Variants in BTLA observed in about 807,000 individuals in gnomAD.
BTLA encodes B and T lymphocyte associated.
A neutral mutation model predicts 25.0 loss-of-function variants in BTLA; 11 were observed. The ratio of observed to expected loss-of-function variants is 0.44; its 90% CI spans 0.28 to 0.73. BTLA has a LOEUF of 0.73. BTLA is among the 30% of genes least tolerant of loss of function. The pLI is 0.15. For missense variants in BTLA, 282 were observed against 332.8 expected (o/e 0.85, Z 1.19); for synonymous variants, 104 against 119.8 (o/e 0.87, Z 0.86).
intron 1 of BTLA, among the ~76,000 whole-genome samples, chr3:112,486,007 C>G (rs2082345423): frequency 6.6e-6 from 1 of 152,188 alleles, no homozygotes; most frequent in South Asian, 2.1e-4. Context: ...GTCCCAGCTG[C>G]TCGGCAGACT....
At chr3:112,467,113 T>A (rs577329421) in intron 4 of BTLA, among the ~76,000 whole-genome samples, 124 of 151,962 alleles carry the variant, frequency 8.2e-4, no homozygotes, top group South Asian at 2.9e-3. Flanking sequence ...GCCCGCCACC[T>A]CGCCCGGCTA....
intron 2 of BTLA, among the ~76,000 whole-genome samples, chr3:112,473,612 T>C (rs2082274364): frequency 1.1e-5 from 1 of 88,528 alleles, no homozygotes; most frequent in East Asian, 3.9e-4. Flanking sequence ...TTTCTTCTTC[T>C]TTTTTTTTTT....
At chr3:112,492,760 T>C (rs965374879) in intron 1 of BTLA, among the ~76,000 whole-genome samples, 3 of 152,188 alleles carry the variant, frequency 2.0e-5, no homozygotes, top group African/African-American at 7.2e-5. Context: ...AGTGGGGCCA[T>C]AACCCCCCAG....
chr3:112,488,586 T>G (rs1371558578), intron 1 of BTLA, among the ~76,000 whole-genome samples: 1 of 151,452 alleles, frequency 6.6e-6, no homozygotes, highest in African/African-American at 2.4e-5. Flanking sequence ...AAATGTCTGA[T>G]GCTATTTTGT....
chr3:112,469,721 C>A (rs774899691), intron 4 of BTLA, 37 bp downstream of exon 4: 11 of 1,569,060 alleles, frequency 7.0e-6, no homozygotes, highest in South Asian at 1.1e-5. Context: ...CAGTATAACA[C>A]AAATTGCATT....
chr3:112,464,312 T>A lies in BTLA; in HGVS notation c.*1796A>T, dbSNP rs1190328278. ...GACAGAAATATTTTGCTTTTAAGTT[T>A]GAGAGAATCATGAAGGAACTGTTCA... On this transcript the variant is annotated 3_prime_UTR_variant, in exon 5 of 5. Coordinates refer to ENST00000334529, the MANE Select transcript of BTLA (RefSeq NM_181780.4). The A allele has an allele frequency of 1.3e-5, 5 of 392,206 alleles. No homozygotes were observed. Among genetic ancestry groups the A allele is most frequent in the African/African-American group, 1.0e-4 (5 of 48,500 alleles). 24.3% of individuals were successfully genotyped at this position (392,206 alleles called of 1,614,324 possible). A position where few individuals can be genotyped will look rare whatever the true frequency, so the allele number is the denominator to read the frequency against.
chr3:112,499,470 A>AC lies in BTLA; in HGVS notation c.-113dup. 1 of 613,712 alleles carries AC rather than the reference A, an allele frequency of 1.6e-6. No individual in the cohort carries two copies. Among genetic ancestry groups the AC allele is most frequent in the African/African-American group, 2.2e-5 (1 of 46,250 alleles). 38.0% of individuals were successfully genotyped at this position (613,712 alleles called of 1,614,324 possible). A position where few individuals can be genotyped will look rare whatever the true frequency, so the allele number is the denominator to read the frequency against. ...CTACCCCAGTGGCATCTGTGAAATA[A>AC]CTAAAAAAAAAAAAAAAAGAAGAGA... is the stretch of plus-strand genomic sequence containing the variant. On this transcript the variant is annotated 5_prime_UTR_variant, in exon 1 of 5. Transcript: ENST00000334529.
chr3:112,484,622 A>T (rs1242191314), intron 1 of BTLA, among the ~76,000 whole-genome samples: 1 of 152,222 alleles, frequency 6.6e-6, no homozygotes, highest in Admixed American at 6.5e-5. Flanking sequence ...CTTTCTATTT[A>T]GCCATAGGGC....
rs563919232 is a variant in BTLA, at chr3:112,494,810, A to G, written c.88+4461T>C. Among the ~76,000 whole-genome samples, 36 of 152,354 alleles carry G rather than the reference A, an allele frequency of 2.4e-4. No homozygotes were observed. In the South Asian group the frequency reaches 4.3e-3, roughly 18 times the overall value. ...GATGGGTCAATAGGTTAAGCAAACC[A>G]TCATGGCACACGTATACCTATGTAA... is the stretch of plus-strand genomic sequence containing the variant. On this transcript the variant is annotated intron_variant, in intron 1 of 4. Transcript: ENST00000334529.
At chr3:112,493,528 A>G (rs1339151239) in intron 1 of BTLA, among the ~76,000 whole-genome samples, 1 of 151,982 alleles carries the variant, frequency 6.6e-6, no homozygotes, top group South Asian at 2.1e-4. Context: ...TTTTTTGGAG[A>G]CAGAGTCTCA....
chr3:112,469,782 G>A lies in BTLA; in HGVS notation c.570C>T (p.Asp190=). ...RHQGKQNELS[D]TAGREINLVD... ...CCAGGTTAATTTCCCTTCCTGCTGT[G>A]TCAGAGAGTTCATTTTGCTTTCCTG... The change falls in exon 4 of 5, where the codon GAC becomes GAT. Residue 190 remains aspartate (D), a synonymous_variant. Transcript: ENST00000334529. The A allele has an allele frequency of 6.2e-7, 1 of 1,611,034 alleles. No individual in the cohort carries two copies. The highest frequency in any genetic ancestry group is 8.5e-7 in the Non-Finnish European group (1 of 1,179,398).
At chr3:112,485,085 C>T (rs77707804) in intron 1 of BTLA, among the ~76,000 whole-genome samples, 3,296 of 152,114 alleles carry the variant, frequency 0.022, 88 homozygotes, top group African/African-American at 0.063. Context: ...GCTCTTGTTG[C>T]CCAGGCTGGA....
chr3:112,469,638 TATATATATATAG>T (rs1465873265), intron 4 of BTLA, 108 bp downstream of exon 4: 3 of 61,750 alleles, frequency 4.9e-5, no homozygotes, highest in East Asian at 4.3e-4. Context: ...TATATATATA[TATATATATATAG>T]TACATAGAAT....
chr3:112,472,215 G>A (rs1175282904), intron 2 of BTLA, among the ~76,000 whole-genome samples: 2 of 152,156 alleles, frequency 1.3e-5, no homozygotes, highest in Non-Finnish European at 2.9e-5. Flanking sequence ...CCCCCACTTA[G>A]TGCAACAAAA....
In BTLA at chr3:112,474,480, A is replaced by G. The variant is rs148122351; in HGVS notation, c.404-3125T>C. Reference sequence around the variant, plus strand: ...ATTAAAGTTAATTCCTAAACAATTTACCTTTTGTGAAGGAAGTTAAAAGAA... The same window carrying G: ...ATTAAAGTTAATTCCTAAACAATTTGCCTTTTGTGAAGGAAGTTAAAAGAA... On this transcript the variant is annotated intron_variant, in intron 2 of 4. Coordinates refer to ENST00000334529, the MANE Select transcript of BTLA (RefSeq NM_181780.4). Among the ~76,000 whole-genome samples the G allele has an allele frequency of 1.5e-4, 23 of 152,000 alleles. No individual in the cohort carries two copies. In the East Asian group the frequency reaches 4.3e-3, roughly 28 times the overall value.
intron 1 of BTLA, among the ~76,000 whole-genome samples, chr3:112,485,983 G>A (rs1178951345): frequency 2.0e-5 from 3 of 152,212 alleles, no homozygotes; most frequent in East Asian, 1.9e-4. Flanking sequence ...CGGGCGTGGT[G>A]GCGGGAGCCT....
intron 3 of BTLA, 132 bp from the exon 4 acceptor site, chr3:112,469,936 C>T: frequency 1.5e-6 from 1 of 668,148 alleles, no homozygotes; most frequent in Non-Finnish European, 2.6e-6. Flanking sequence ...ATTTGCTTTG[C>T]CTAGCACACA....
chr3:112,494,153 TAAA>T (rs1170919210), intron 1 of BTLA, among the ~76,000 whole-genome samples: 1 of 150,598 alleles, frequency 6.6e-6, no homozygotes, highest in Admixed American at 6.6e-5. Context: ...AACATAAGAA[TAAA>T]AGCTCAACAT....
At position 112,499,438 on chromosome 3, in the gene BTLA, A is replaced by G. The variant is rs2082429912; in HGVS notation, c.-80T>C. 2 of 1,114,892 alleles carry G rather than the reference A, an allele frequency of 1.8e-6. No individual in the cohort carries two copies. Among genetic ancestry groups the G allele is most frequent in the African/African-American group, 1.6e-5 (1 of 63,360 alleles). 69.1% of individuals were successfully genotyped at this position (1,114,892 alleles called of 1,614,324 possible). Reference sequence around the variant, plus strand: ...CTTCTGAGTGCTGCAGAGTTGGGTCAGTTTACCTACCCCAGTGGCATCTGT... The same window carrying G: ...CTTCTGAGTGCTGCAGAGTTGGGTCGGTTTACCTACCCCAGTGGCATCTGT... On this transcript the variant is annotated 5_prime_UTR_variant, in exon 1 of 5. Transcript: ENST00000334529.
Sources: allele counts gnomAD v4.1 joint callset (sites outside exome capture counted in the v4.1 genomes callset), GRCh38; gene constraint gnomAD v4.1.1; transcripts MANE v1.5; gene names NCBI Gene and HGNC (gene_info 2026-07-23, HGNC 2026-07-21).